FMN2: variants seen among roughly 807,000 people sequenced by gnomAD.
FMN2 encodes formin 2, also known as formin-2.
FMN2 carries 51 observed loss-of-function variants against 142.3 expected under a neutral mutation model. The ratio of observed to expected loss-of-function variants is 0.36; its 90% CI spans 0.29 to 0.45. FMN2 has a LOEUF of 0.45. Among genes scored for constraint, FMN2 ranks in the 20% least tolerant of loss-of-function variants. The pLI is 1.00. For missense variants in FMN2, 1,936 were observed against 2,122.8 expected (o/e 0.91, Z 1.73); for synonymous variants, 882 against 869.8 (o/e 1.01, Z -0.25).
intron 16 of FMN2, among the ~76,000 whole-genome samples, chr1:240,451,187 G>A (rs922271256): frequency 2.0e-5 from 3 of 152,146 alleles, no homozygotes; most frequent in Non-Finnish European, 2.9e-5. Context: ...ACAAGATGGC[G>A]AAACCCTGTC....
intron 2 of FMN2, among the ~76,000 whole-genome samples, chr1:240,126,373 C>CG (rs1553328359): frequency 2.0e-5 from 3 of 151,322 alleles, no homozygotes; most frequent in Non-Finnish European, 4.4e-5. Context: ...TACCCCCCCC[C>CG]ACTTTGTTCC....
chr1:240,227,645 AC>A (rs1286151836), intron 6 of FMN2, among the ~76,000 whole-genome samples: 1 of 152,220 alleles, frequency 6.6e-6, no homozygotes, highest in African/African-American at 2.4e-5. Flanking sequence ...ATCAGTTCTT[AC>A]ATTTATGGTC....
intron 16 of FMN2, among the ~76,000 whole-genome samples, chr1:240,462,977 A>C (rs1190008043): frequency 1.3e-5 from 2 of 152,214 alleles, no homozygotes; most frequent in African/African-American, 2.4e-5. Flanking sequence ...TAGCAGAGAC[A>C]TCTCATAGGA....
At chr1:240,252,353 G>T (rs1217716338) in intron 6 of FMN2, among the ~76,000 whole-genome samples, 2 of 152,050 alleles carry the variant, frequency 1.3e-5, no homozygotes, top group Non-Finnish European at 2.9e-5. Flanking sequence ...CTACCAGTAG[G>T]TTTTATACTT....
At chr1:240,296,571 G>A (rs892828295) in intron 8 of FMN2, among the ~76,000 whole-genome samples, 2 of 148,892 alleles carry the variant, frequency 1.3e-5, no homozygotes, top group Non-Finnish European at 3.0e-5. Context: ...AATAATTCTT[G>A]GCTCTGGGGA....
At chr1:240,223,837 T>G (rs1159764467) in intron 6 of FMN2, among the ~76,000 whole-genome samples, 1 of 152,200 alleles carries the variant, frequency 6.6e-6, no homozygotes, top group East Asian at 1.9e-4. Context: ...GATATCCCCT[T>G]TATCATTTTT....
chr1:240,143,283 A>G (rs2103256611), intron 2 of FMN2: 2 of 1,544,552 alleles, frequency 1.3e-6, no homozygotes, highest in Middle Eastern at 1.7e-4. Context: ...CAGGATGTTG[A>G]TTTGAAACAG....
At chr1:240,457,485 C>T (rs573998005) in intron 16 of FMN2, 1 of 152,304 alleles carries the variant, frequency 6.6e-6, no homozygotes, top group South Asian at 2.1e-4. Context: ...AAACCAAATT[C>T]CTGCCCTGGT....
intron 16 of FMN2, among the ~76,000 whole-genome samples, chr1:240,455,931 C>T (rs1214220832): frequency 6.6e-6 from 1 of 151,956 alleles, no homozygotes; most frequent in South Asian, 2.1e-4. Context: ...GCCAAGATCA[C>T]GCCACTGCAC....
At chr1:240,259,351 T>G (rs1668547706) in intron 7 of FMN2, among the ~76,000 whole-genome samples, 1 of 152,156 alleles carries the variant, frequency 6.6e-6, no homozygotes, top group Admixed American at 6.5e-5. Context: ...CATTGAAAAT[T>G]TGCTTGCTTT....
At chr1:240,116,849 T>C (rs1363088241) in intron 1 of FMN2, among the ~76,000 whole-genome samples, 2 of 152,084 alleles carry the variant, frequency 1.3e-5, no homozygotes, top group African/African-American at 4.8e-5. Context: ...TAGAGCAGAC[T>C]GAGCAAGGAG....
intron 14 of FMN2, among the ~76,000 whole-genome samples, chr1:240,382,506 C>T (rs1673258412): frequency 6.6e-6 from 1 of 151,922 alleles, no homozygotes; most frequent in African/African-American, 2.4e-5. Flanking sequence ...ACTAAAAATA[C>T]AAAAATTAGC....
intron 4 of FMN2, among the ~76,000 whole-genome samples, chr1:240,197,619 T>C (rs1006331792): frequency 9.8e-5 from 15 of 152,292 alleles, no homozygotes; most frequent in Admixed American, 5.9e-4. Context: ...GATTGCTTGC[T>C]GGAGGGACGA....
chr1:240,210,634 C>T (rs1666654798), intron 5 of FMN2, among the ~76,000 whole-genome samples: 1 of 152,162 alleles, frequency 6.6e-6, no homozygotes, highest in Non-Finnish European at 1.5e-5. Flanking sequence ...CACGAATCTG[C>T]AGTCACTGAG....
At chr1:240,159,663 G>T (rs1350692154) in intron 2 of FMN2, among the ~76,000 whole-genome samples, 3 of 151,992 alleles carry the variant, frequency 2.0e-5, no homozygotes, top group African/African-American at 7.3e-5. Context: ...ACAGAGTGTG[G>T]GGAGAACCTA....
chr1:240,357,778 T>C (rs1445970279), intron 14 of FMN2, among the ~76,000 whole-genome samples: 3 of 152,108 alleles, frequency 2.0e-5, no homozygotes, highest in African/African-American at 7.2e-5. Context: ...CGGCTAATTT[T>C]TTGTATTTTT....
intron 7 of FMN2, among the ~76,000 whole-genome samples, chr1:240,277,436 T>TA (rs1669252075): frequency 7.2e-6 from 1 of 139,240 alleles, no homozygotes; most frequent in African/African-American, 3.1e-5. Context: ...TTCTGCCTTT[T>TA]CTTTTTTTTT....
At position 240,289,399 on chromosome 1, in the gene FMN2, G is replaced by A. The variant is rs116759715; in HGVS notation, c.4154-5423G>A. On this transcript the variant is annotated intron_variant, in intron 7 of 17. Transcript: ENST00000319653. Reference sequence around the variant, plus strand: ...ATTATACAAATAGGTTGGGCACCGTGGCTCATGCCTGCAATCTCAGCACTT... The same window carrying A: ...ATTATACAAATAGGTTGGGCACCGTAGCTCATGCCTGCAATCTCAGCACTT... 3.6e-3 allele frequency among the ~76,000 whole-genome samples: 547 copies of A among 152,220 alleles called. 4 individuals are homozygous for A. The highest frequency in any genetic ancestry group is 0.013 in the African/African-American group (528 of 41,560).
chr1:240,098,097 A>ATATTTTTTTTTTTTTTTTTTTTTT (rs1661278201), intron 1 of FMN2, among the ~76,000 whole-genome samples: 1 of 98,688 alleles, frequency 1.0e-5, no homozygotes, highest in Non-Finnish European at 1.9e-5. Context: ...GTTATCTTGA[A>ATATTTTTTTTTTTTTTTTTTTTTT]TTTTTTTTTT....
Sources: allele counts gnomAD v4.1 joint callset (sites outside exome capture counted in the v4.1 genomes callset), GRCh38; gene constraint gnomAD v4.1.1; transcripts MANE v1.5; gene names NCBI Gene and HGNC (gene_info 2026-07-23, HGNC 2026-07-21).